The following ALOX5 variants were observed in gnomAD, a reference collection of about 807,000 sequenced individuals.
The protein encoded by ALOX5 is arachidonate 5-lipoxygenase.
ALOX5 carries 64 observed loss-of-function variants against 87.9 expected under a neutral mutation model. That is an observed-to-expected ratio of 0.73 (90% CI 0.60 to 0.90). The LOEUF is 0.90. Ranked by LOEUF, ALOX5 falls within the 40% of genes least tolerant of loss-of-function variation. The probability of loss-of-function intolerance (pLI) is 0.00; values close to 1 mark genes in which losing one functional copy is unlikely to be tolerated. For missense variants in ALOX5, 822 were observed against 907.5 expected (o/e 0.91, Z 1.21); for synonymous variants, 388 against 355.1 (o/e 1.09, Z -1.04).
At chr10:45,395,545 T>C (rs1840466536) in intron 2 of ALOX5, among the ~76,000 whole-genome samples, 1 of 151,802 alleles carries the variant, frequency 6.6e-6, no homozygotes, top group Non-Finnish European at 1.5e-5. Context: ...ACATGACACA[T>C]GTATACATAT....
At chr10:45,419,373 G>A (rs1841419666) in intron 4 of ALOX5, among the ~76,000 whole-genome samples, 1 of 152,194 alleles carries the variant, frequency 6.6e-6, no homozygotes, top group African/African-American at 2.4e-5. Flanking sequence ...CAGGGGTTGG[G>A]TTGAGAGCGC....
At chr10:45,375,336 A>G (rs1385623333) in intron 1 of ALOX5, among the ~76,000 whole-genome samples, 1 of 152,208 alleles carries the variant, frequency 6.6e-6, no homozygotes, top group Non-Finnish European at 1.5e-5. Flanking sequence ...GGCAGGTCGC[A>G]GTTCTCACTG....
chr10:45,412,165 A>G, intron 3 of ALOX5, 26 bp from the exon 4 acceptor site: 1 of 1,613,748 alleles, frequency 6.2e-7, no homozygotes, highest in Non-Finnish European at 8.5e-7. Context: ...CATTTAACTC[A>G]ATTTCTTCTC....
intron 3 of ALOX5, among the ~76,000 whole-genome samples, chr10:45,409,539 CTCTG>C (rs1840994495): frequency 6.6e-6 from 1 of 151,134 alleles, no homozygotes; most frequent in Non-Finnish European, 1.5e-5. Context: ...CTCTCTGTCT[CTCTG>C]TCTCTCTTGC....
At chr10:45,409,441 G>A (rs1482663918) in intron 3 of ALOX5, among the ~76,000 whole-genome samples, 1 of 151,996 alleles carries the variant, frequency 6.6e-6, no homozygotes, top group Non-Finnish European at 1.5e-5. Flanking sequence ...TCATGTTTGT[G>A]GTTACAGAAA....
rs1459508574 is a variant in ALOX5, at chr10:45,412,251, A to AC, written c.496dup (p.Arg166ProfsTer2). On this transcript the variant is annotated frameshift_variant, in exon 4 of 14. Transcript: ENST00000374391. LOFTEE classifies it high-confidence loss of function. ...TCGATGCCAAATGCCACAAGGATTT[A>AC]CCCCGTGATATCCAGTTTGATAGTG... 6.2e-7 allele frequency: 1 copy of AC among 1,614,040 alleles called. No individual in the cohort carries two copies. The highest frequency in any genetic ancestry group is 8.5e-7 in the Non-Finnish European group (1 of 1,180,024).
intron 13 of ALOX5, 129 bp from the exon 14 acceptor site, chr10:45,445,379 A>G: frequency 2.7e-6 from 3 of 1,129,550 alleles, no homozygotes; most frequent in South Asian, 1.6e-5. Context: ...GAGGGTGAAT[A>G]TGGGGAGGTG....
At chr10:45,423,935 TG>T in intron 4 of ALOX5, 105 bp from the exon 5 acceptor site, 2 of 849,502 alleles carry the variant, frequency 2.4e-6, no homozygotes, top group Non-Finnish European at 3.9e-6. Context: ...CAGAGCTGCC[TG>T]GAGGGGGCGG....
Position 45,443,513 on chromosome 10 carries a change from G to A in ALOX5, c.1549G>A (p.Gly517Ser), listed in dbSNP as rs1339325014. ...CTTCGTGAACGATGTCTACGTGTAC[G>A]GCATGCGGGGCCGCAAGTCCTCAGG... Reference protein sequence around the residue: ...QDFVNDVYVYGMRGRKSSGFP... With the variant: ...QDFVNDVYVYSMRGRKSSGFP... The change falls in exon 11 of 14, where the codon GGC (glycine) becomes AGC (serine). Residue 517 changes from glycine to serine, a missense_variant. Gly to Ser is a moderately conservative substitution (Grantham distance 56). Transcript: ENST00000374391. 1.2e-6 allele frequency: 2 copies of A among 1,612,614 alleles called. No individual in the cohort carries two copies.
At chr10:45,426,811 T>G (rs906782038) in intron 6 of ALOX5, among the ~76,000 whole-genome samples, 3 of 152,216 alleles carry the variant, frequency 2.0e-5, no homozygotes, top group Admixed American at 6.5e-5. Flanking sequence ...GGTGATTTTT[T>G]CCTTAGGAGG....
intron 1 of ALOX5, among the ~76,000 whole-genome samples, chr10:45,375,202 G>A (rs779036085): frequency 1.3e-5 from 2 of 152,172 alleles, no homozygotes; most frequent in Non-Finnish European, 2.9e-5. Context: ...CCAGCAGAAT[G>A]TACACCAGGG....
chr10:45,427,491 G>A (rs1211319726), intron 6 of ALOX5, among the ~76,000 whole-genome samples: 1 of 152,250 alleles, frequency 6.6e-6, no homozygotes, highest in Non-Finnish European at 1.5e-5. Flanking sequence ...CGGTGGCCAG[G>A]CTCCGAGCTC....
In ALOX5 at chr10:45,392,024, G is replaced by A. The variant is rs181346933; in HGVS notation, c.350-3831G>A. Among the ~76,000 whole-genome samples, 818 of 151,198 alleles carry A rather than the reference G, an allele frequency of 5.4e-3. 4 individuals are homozygous for A. Among genetic ancestry groups the A allele is most frequent in the African/African-American group, 0.018 (732 of 40,894 alleles). On this transcript the variant is annotated intron_variant, in intron 2 of 13. Transcript: ENST00000374391. ...AGCCCCCCGCCCGGCCAGCCGCCCC[G>A]TCCGGGAGGGGAGGGGTTCAGCCCC...
At chr10:45,403,730 T>G (rs1840782383) in intron 3 of ALOX5, among the ~76,000 whole-genome samples, 1 of 152,200 alleles carries the variant, frequency 6.6e-6, no homozygotes, top group South Asian at 2.1e-4. Context: ...AAATGTGTGA[T>G]TTGTTTTAGA....
At chr10:45,388,432 G>A (rs1840078139) in intron 2 of ALOX5, among the ~76,000 whole-genome samples, 1 of 152,182 alleles carries the variant, frequency 6.6e-6, no homozygotes, top group African/African-American at 2.4e-5. Flanking sequence ...TAACTGGGAG[G>A]CACCCTCCAG....
chr10:45,434,743 C>A (rs1292538289), intron 7 of ALOX5, among the ~76,000 whole-genome samples: 2 of 152,108 alleles, frequency 1.3e-5, no homozygotes, highest in Non-Finnish European at 2.9e-5. Flanking sequence ...CAGTGATGGC[C>A]CAGTGGGGGA....
rs77584168 is a variant in ALOX5 at position 45,379,816 on chromosome 10, C to G, written c.151-2667C>G. Among the ~76,000 whole-genome samples, 61 of 152,298 alleles carry G rather than the reference C, an allele frequency of 4.0e-4. No homozygotes were observed. In the East Asian group the frequency reaches 0.012, roughly 29 times the overall value. On this transcript the variant is annotated intron_variant, in intron 1 of 13. Transcript: ENST00000374391. ...GCTTCAGAGAATGAAGCAATGTGCC[C>G]AGGCCATCCAGCTACTTGCCTGAAG...
At chr10:45,437,208 C>T (rs1179259851) in intron 7 of ALOX5, among the ~76,000 whole-genome samples, 1 of 152,168 alleles carries the variant, frequency 6.6e-6, no homozygotes, top group Non-Finnish European at 1.5e-5. Flanking sequence ...CAAAAATTAG[C>T]CAGGTGTGGT....
Position 45,425,710 on chromosome 10 carries a change from A to C in ALOX5, c.834+578A>C, listed in dbSNP as rs543110275. On this transcript the variant is annotated intron_variant, in intron 6 of 13. Transcript: ENST00000374391. The surrounding 1 kb of genome is among the most constrained non-coding windows in gnomAD (Gnocchi z 4.4). The stretch of plus-strand genomic sequence containing the variant: ...CTTGAGACAGAAGAAGTTCAAACCA[A>C]CTCCACCTGGATCTGGTGGGGCTCA... Among the ~76,000 whole-genome samples, 168 of 151,966 alleles carry C rather than the reference A, an allele frequency of 1.1e-3. No individual in the cohort carries two copies. Among genetic ancestry groups the C allele is most frequent in the African/African-American group, 3.9e-3 (162 of 41,400 alleles).
Sources: allele counts gnomAD v4.1 joint callset (sites outside exome capture counted in the v4.1 genomes callset), GRCh38; gene constraint gnomAD v4.1.1; non-coding constraint Gnocchi (gnomAD v3.1); transcripts MANE v1.5; gene names NCBI Gene and HGNC (gene_info 2026-07-23, HGNC 2026-07-21).